The following WDR19 variants were observed in gnomAD, a reference collection of about 807,000 sequenced individuals.
WDR19 encodes WD repeat-containing protein 19.
In WDR19, 121 loss-of-function variants were observed where a neutral mutation model predicts 180.0. The observed-to-expected ratio is 0.67, with a 90% confidence interval of 0.58 to 0.78. The LOEUF is 0.78. Ranked by LOEUF, WDR19 falls within the 30% of genes least tolerant of loss-of-function variation. WDR19 has a pLI of 0.00. For missense variants in WDR19, 1,450 were observed against 1,640.7 expected, an observed-to-expected ratio of 0.88 and a Z score of 2.01; for synonymous variants, 497 against 540.7, an observed-to-expected ratio of 0.92 and a Z score of 1.12.
intron 9 of WDR19, 51 bp downstream of exon 9, chr4:39,205,787 G>T: frequency 6.9e-7 from 1 of 1,439,706 alleles, no homozygotes; most frequent in Admixed American, 2.4e-5. Context: ...AAATACTTAA[G>T]TGAATCAGCC....
At chr4:39,239,874 T>C (rs189347103) in intron 20 of WDR19, among the ~76,000 whole-genome samples, 2 of 152,314 alleles carry the variant, frequency 1.3e-5, no homozygotes, top group Admixed American at 1.3e-4. Flanking sequence ...AAATCTTGTA[T>C]TTGTAAATTG....
At chr4:39,254,130 C>T (rs949053783) in intron 26 of WDR19, 100 bp downstream of exon 26, 12 of 1,213,248 alleles carry the variant, frequency 9.9e-6, no homozygotes, top group South Asian at 3.6e-5. Flanking sequence ...TACAAGAATG[C>T]GCCTGGTGTA....
intron 28 of WDR19, among the ~76,000 whole-genome samples, chr4:39,265,411 C>T (rs1038767323): frequency 2.0e-5 from 3 of 151,902 alleles, no homozygotes; most frequent in Admixed American, 6.6e-5. Flanking sequence ...GGAATGATAC[C>T]GTTGTGTCAG....
At chr4:39,228,745 G>T in intron 17 of WDR19, 55 bp downstream of exon 17, 5 of 1,446,230 alleles carry the variant, frequency 3.5e-6, no homozygotes, top group South Asian at 1.6e-5. Flanking sequence ...TGATTTTAAA[G>T]GTCAAATCCT....
chr4:39,219,849 T>C (rs77875636), intron 14 of WDR19, among the ~76,000 whole-genome samples: 1,801 of 152,308 alleles, frequency 0.012, 36 homozygotes, highest in African/African-American at 0.041. Context: ...CACAGATTTT[T>C]CAAAGCATAT....
intron 9 of WDR19, chr4:39,206,140 C>T (rs1186750257): frequency 6.5e-6 from 1 of 153,964 alleles, no homozygotes; most frequent in African/African-American, 2.4e-5. Context: ...TGTCTCACAG[C>T]CAGGACTCAA....
intron 14 of WDR19, among the ~76,000 whole-genome samples, chr4:39,222,592 G>A (rs1333111066): frequency 1.3e-5 from 2 of 152,104 alleles, no homozygotes. Flanking sequence ...ATGCCATGAG[G>A]TATAGATCAC....
chr4:39,264,363 G>A (rs376387155), intron 28 of WDR19, among the ~76,000 whole-genome samples: 156 of 152,310 alleles, frequency 1.0e-3, no homozygotes, highest in African/African-American at 2.3e-3. Flanking sequence ...CTGCTTTACC[G>A]AAGTGGCAAG....
chr4:39,257,080 GC>G (rs1407309941), intron 27 of WDR19, among the ~76,000 whole-genome samples: 1 of 152,084 alleles, frequency 6.6e-6, no homozygotes, highest in Non-Finnish European at 1.5e-5. Context: ...GATCTTCTTA[GC>G]AAGACTGTAC....
chr4:39,246,567 C>T (rs185219734), intron 24 of WDR19, among the ~76,000 whole-genome samples: 1 of 152,250 alleles, frequency 6.6e-6, no homozygotes, highest in Admixed American at 6.5e-5. Context: ...TCGCCTCACC[C>T]GGGAAGCACA....
At chr4:39,248,808 C>G (rs1732813095) in intron 24 of WDR19, among the ~76,000 whole-genome samples, 1 of 152,180 alleles carries the variant, frequency 6.6e-6, no homozygotes, top group East Asian at 1.9e-4. Flanking sequence ...AACTAACTAT[C>G]CTAAATATAT....
At chr4:39,251,604 C>T (rs1333188252) in intron 24 of WDR19, among the ~76,000 whole-genome samples, 1 of 151,578 alleles carries the variant, frequency 6.6e-6, no homozygotes. Flanking sequence ...ATTTTTGCAA[C>T]CTACTCATCT....
intron 21 of WDR19, 121 bp from the exon 22 acceptor site, chr4:39,244,127 T>C: frequency 8.2e-7 from 1 of 1,212,426 alleles, no homozygotes; most frequent in Non-Finnish European, 1.1e-6. Flanking sequence ...GAGGCTTCCC[T>C]GAAAAGATAA....
chr4:39,226,238 T>G (rs955714214), intron 15 of WDR19, among the ~76,000 whole-genome samples: 1 of 152,084 alleles, frequency 6.6e-6, no homozygotes, highest in Admixed American at 6.5e-5. Flanking sequence ...AGGAGTAAGG[T>G]CAGCCTTAAA....
Position 39,214,651 on chromosome 4 carries a change from A to G in WDR19, c.941A>G (p.Asn314Ser). 3 of 1,587,134 alleles carry G rather than the reference A, an allele frequency of 1.9e-6. No individual in the cohort carries two copies. The highest frequency in any genetic ancestry group is 1.2e-5 in the South Asian group (1 of 85,592). The part of the protein sequence containing the change: ...VDLKDMYVIL[N>S]LDEENKGLGT... ...TTAAAAGACATGTATGTTATACTCA[A>G]CCTGGATGAGGAAAATAAAGGTATT... The change falls in exon 10 of 37, where the codon AAC becomes AGC. Residue 314 changes from asparagine to serine, a missense_variant. By Grantham distance (46) the Asn-to-Ser change is conservative. Transcript: ENST00000399820.
intron 5 of WDR19, among the ~76,000 whole-genome samples, chr4:39,197,466 G>A (rs1019818257): frequency 4.0e-5 from 6 of 151,084 alleles, no homozygotes; most frequent in South Asian, 2.1e-4. Flanking sequence ...GAAAAGAAAA[G>A]GTTAAGTAAC....
At chr4:39,189,526 G>A in intron 3 of WDR19, 130 bp from the exon 4 acceptor site, 2 of 869,324 alleles carry the variant, frequency 2.3e-6, no homozygotes, top group Non-Finnish European at 3.2e-6. Flanking sequence ...ATAATGAGTT[G>A]TATTTCTCAC....
chr4:39,253,303 A>G lies in WDR19; in HGVS notation c.2876+11A>G. On this transcript the variant is annotated intron_variant, in intron 25 of 36. Coordinates refer to ENST00000399820, the MANE Select transcript of WDR19 (RefSeq NM_025132.4). Reference sequence around the variant, plus strand: ...CAAAATGGTAGCCAGGTAACATAATACATTAATATTTTTGGACTTTCAAAA... The same window carrying G: ...CAAAATGGTAGCCAGGTAACATAATGCATTAATATTTTTGGACTTTCAAAA... The G allele has an allele frequency of 6.2e-7, 1 of 1,603,788 alleles. No individual in the cohort carries two copies. Among genetic ancestry groups the G allele is most frequent in the Non-Finnish European group, 8.5e-7 (1 of 1,176,828 alleles).
At chr4:39,208,070 A>G (rs1728130949) in intron 9 of WDR19, among the ~76,000 whole-genome samples, 1 of 152,152 alleles carries the variant, frequency 6.6e-6, no homozygotes, top group Non-Finnish European at 1.5e-5. Flanking sequence ...TATGTATATT[A>G]TAATCTAGAG....
Sources: allele counts gnomAD v4.1 joint callset (sites outside exome capture counted in the v4.1 genomes callset), GRCh38; gene constraint gnomAD v4.1.1; transcripts MANE v1.5; gene names NCBI Gene and HGNC (gene_info 2026-07-23, HGNC 2026-07-21).